Variants in NFIA observed in about 807,000 individuals in gnomAD.
NFIA encodes nuclear factor 1 A-type.
In NFIA, 8 loss-of-function variants were observed where a neutral mutation model predicts 62.8. The ratio of observed to expected loss-of-function variants is 0.13; its 90% CI spans 0.07 to 0.23. The LOEUF is 0.23. NFIA is among the 10% of genes least tolerant of loss of function. The probability of loss-of-function intolerance (pLI) is 1.00; values close to 1 mark genes in which losing one functional copy is unlikely to be tolerated. For synonymous variants in NFIA, 235 were observed against 238.1 expected, an observed-to-expected ratio of 0.99 and a Z score of 0.12; for missense variants, 410 against 642.1, an observed-to-expected ratio of 0.64 and a Z score of 3.91.
intron 2 of NFIA, among the ~76,000 whole-genome samples, chr1:61,182,977 G>T (rs547850300): frequency 6.6e-6 from 1 of 152,260 alleles, no homozygotes; most frequent in South Asian, 2.1e-4. Flanking sequence ...TTTCCAAAAA[G>T]ATTTTTTTCA....
At chr1:61,199,503 C>T (rs759557954) in intron 2 of NFIA, among the ~76,000 whole-genome samples, 3 of 152,080 alleles carry the variant, frequency 2.0e-5, no homozygotes, top group Non-Finnish European at 4.4e-5. Context: ...ATCTTATGTA[C>T]CGTATCTCGT....
chr1:61,426,564 G>A lies in NFIA; in HGVS notation c.1512+8G>A, dbSNP rs1006347216. 27 of 1,543,678 alleles carry A rather than the reference G, an allele frequency of 1.7e-5. No individual in the cohort carries two copies. Among genetic ancestry groups the A allele is most frequent in the African/African-American group, 4.1e-5 (3 of 72,848 alleles). Reference sequence around the variant, plus strand: ...ATCCCTCAACAGACACAGGTGGGCCGCTCTCATCTTTTCTGTATGTGGTGC... The same window carrying A: ...ATCCCTCAACAGACACAGGTGGGCCACTCTCATCTTTTCTGTATGTGGTGC... On this transcript the variant is annotated splice_region_variant and intron_variant, in intron 10 of 10. Coordinates refer to ENST00000403491, the MANE Select transcript of NFIA (RefSeq NM_001134673.4).
chr1:61,447,869 C>T (rs911879601), intron 10 of NFIA, among the ~76,000 whole-genome samples: 3 of 152,048 alleles, frequency 2.0e-5, no homozygotes, highest in Admixed American at 6.5e-5. Context: ...AGGGCAGGTA[C>T]GCTGGTGGTG....
chr1:61,077,663 T>G, upstream of NFIA: 1 of 1,386,626 alleles, frequency 7.2e-7, no homozygotes, highest in Non-Finnish European at 9.5e-7. Context: ...TATTTTGCAT[T>G]TATATGATAT....
At chr1:61,152,591 G>A (rs1041096175) in intron 2 of NFIA, among the ~76,000 whole-genome samples, 2 of 152,038 alleles carry the variant, frequency 1.3e-5, no homozygotes, top group Non-Finnish European at 2.9e-5. Context: ...TTTATCACTG[G>A]GCTATTAAAG....
At chr1:61,332,981 T>C (rs1486603137) in intron 4 of NFIA, among the ~76,000 whole-genome samples, 1 of 151,966 alleles carries the variant, frequency 6.6e-6, no homozygotes, top group Non-Finnish European at 1.5e-5. Context: ...TGTCACCATC[T>C]TGCTCCATTG....
intron 2 of NFIA, among the ~76,000 whole-genome samples, chr1:61,122,599 C>A (rs1195312457): frequency 2.6e-5 from 4 of 152,100 alleles, no homozygotes; most frequent in Non-Finnish European, 4.4e-5. Context: ...CTTCATGGTG[C>A]AACTGGGGAG....
intron 2 of NFIA, among the ~76,000 whole-genome samples, chr1:61,235,005 C>A (rs147265558): frequency 6.6e-6 from 1 of 152,242 alleles, no homozygotes; most frequent in African/African-American, 2.4e-5. Context: ...CTGTCTTGAT[C>A]CTAGTCAAGC....
At chr1:61,217,349 T>C (rs888015487) in intron 2 of NFIA, among the ~76,000 whole-genome samples, 2 of 152,064 alleles carry the variant, frequency 1.3e-5, no homozygotes, top group African/African-American at 4.8e-5. Flanking sequence ...ATTACAGGTG[T>C]GAGCCACCCT....
chr1:61,116,511 C>T (rs1487616410), intron 2 of NFIA, among the ~76,000 whole-genome samples: 2 of 151,868 alleles, frequency 1.3e-5, no homozygotes, highest in Admixed American at 1.3e-4. Context: ...TTTTTTGATG[C>T]AGTACTGCCT....
intron 2 of NFIA, among the ~76,000 whole-genome samples, chr1:61,268,328 T>G (rs958607087): frequency 1.3e-5 from 2 of 152,194 alleles, no homozygotes; most frequent in South Asian, 4.1e-4. Context: ...CAAGACCCAG[T>G]TGATTTTTTC....
chr1:61,252,544 G>A (rs973978204), intron 2 of NFIA, among the ~76,000 whole-genome samples: 1 of 152,196 alleles, frequency 6.6e-6, no homozygotes, highest in Non-Finnish European at 1.5e-5. Context: ...CAGAAGATGA[G>A]AGAAGGTTGT....
At chr1:61,299,684 A>G (rs1226426976) in intron 3 of NFIA, among the ~76,000 whole-genome samples, 1 of 152,180 alleles carries the variant, frequency 6.6e-6, no homozygotes, top group Non-Finnish European at 1.5e-5. Flanking sequence ...ATGGCTGAAC[A>G]GTAGGTACAC....
intron 7 of NFIA, among the ~76,000 whole-genome samples, chr1:61,399,637 G>A (rs1344544887): frequency 1.3e-5 from 2 of 152,166 alleles, no homozygotes; most frequent in African/African-American, 4.8e-5. Flanking sequence ...AAAACTACTG[G>A]AAATACTAAG....
At chr1:61,358,653 C>G (rs1663111655) in intron 5 of NFIA, among the ~76,000 whole-genome samples, 1 of 151,992 alleles carries the variant, frequency 6.6e-6, no homozygotes, top group Non-Finnish European at 1.5e-5. Flanking sequence ...CTCCCAAAGT[C>G]CTGGGATTAC....
In NFIA at chr1:61,406,741, C is replaced by T. The variant is rs1243023807; in HGVS notation, c.1420+14C>T. The T allele has an allele frequency of 4.0e-5, 64 of 1,591,874 alleles. No individual in the cohort carries two copies. Among genetic ancestry groups the T allele is most frequent in the East Asian group, 1.1e-4 (5 of 43,852 alleles). On this transcript the variant is annotated intron_variant, in intron 9 of 10. Transcript: ENST00000403491. The stretch of plus-strand genomic sequence containing the variant: ...CCACGTCACCAAGTAAGTATGGCTG[C>T]GACAAGGCGCCGGTCACTTCTAAAG...
chr1:61,101,562 G>A (rs1646509496), intron 2 of NFIA, among the ~76,000 whole-genome samples: 2 of 152,130 alleles, frequency 1.3e-5, no homozygotes, highest in Non-Finnish European at 2.9e-5. Context: ...GAACGAGAGA[G>A]TAGAAAACAG....
intron 3 of NFIA, among the ~76,000 whole-genome samples, chr1:61,288,062 A>C (rs544261299): frequency 6.6e-6 from 1 of 152,348 alleles, no homozygotes; most frequent in South Asian, 2.1e-4. Context: ...AGGCACAGTC[A>C]ATAGGTACAA....
intron 7 of NFIA, among the ~76,000 whole-genome samples, chr1:61,388,092 G>C (rs975434677): frequency 6.6e-6 from 1 of 152,040 alleles, no homozygotes; most frequent in African/African-American, 2.4e-5. Flanking sequence ...TAACCTTGTC[G>C]CCTCAGTTTG....
Sources: allele counts gnomAD v4.1 joint callset (sites outside exome capture counted in the v4.1 genomes callset), GRCh38; gene constraint gnomAD v4.1.1; transcripts MANE v1.5; gene names NCBI Gene and HGNC (gene_info 2026-07-23, HGNC 2026-07-21).